Variants in MOB3B observed in about 807,000 individuals in gnomAD.
MOB3B encodes the protein MOB kinase activator 3B.
In MOB3B, 7 loss-of-function variants were observed where a neutral mutation model predicts 18.7. The observed-to-expected ratio is 0.37, with a 90% CI of 0.21 to 0.70. The LOEUF (loss-of-function observed/expected upper bound fraction) is 0.70, where lower values mean the gene tolerates loss of function less well. Ranked by LOEUF, MOB3B falls within the 30% of genes least tolerant of loss-of-function variation. The pLI is 0.52. For synonymous variants in MOB3B, 111 were observed against 99.9 expected (o/e 1.11, Z -0.66); for missense variants, 253 against 281.3 (o/e 0.90, Z 0.72).
intron 3 of MOB3B, among the ~76,000 whole-genome samples, chr9:27,348,424 A>G (rs1334163423): frequency 6.6e-6 from 1 of 152,124 alleles, no homozygotes; most frequent in Non-Finnish European, 1.5e-5. Context: ...AGGCTGAGGC[A>G]GGAGGATCAC....
At chr9:27,403,516 AT>A (rs74178385) in intron 2 of MOB3B, among the ~76,000 whole-genome samples, 2,335 of 79,364 alleles carry the variant, frequency 0.029, 35 homozygotes, top group Non-Finnish European at 0.037. Context: ...CTCTTTACTA[AT>A]TTTTTTTTTT....
intron 2 of MOB3B, among the ~76,000 whole-genome samples, chr9:27,398,483 A>AAAGCATTTGACAC (rs1821832354): frequency 6.6e-6 from 1 of 152,236 alleles, no homozygotes; most frequent in Non-Finnish European, 1.5e-5. Flanking sequence ...CAGTAGACAT[A>AAAGCATTTGACAC]AAGCATTTGA....
At chr9:27,442,897 G>T (rs2131435107) in intron 2 of MOB3B, among the ~76,000 whole-genome samples, 1 of 152,188 alleles carries the variant, frequency 6.6e-6, no homozygotes, top group South Asian at 2.1e-4. Context: ...TAACCACAAT[G>T]TCTCAAGTAA....
At chr9:27,376,749 G>A (rs1821495114) in intron 2 of MOB3B, among the ~76,000 whole-genome samples, 1 of 152,212 alleles carries the variant, frequency 6.6e-6, no homozygotes, top group South Asian at 2.1e-4. Context: ...ATATCTGGGA[G>A]CTTGCTAGAA....
chr9:27,368,877 C>T (rs114166424), intron 2 of MOB3B, among the ~76,000 whole-genome samples: 89 of 152,304 alleles, frequency 5.8e-4, no homozygotes, highest in African/African-American at 2.0e-3. Flanking sequence ...TACCCCTGAG[C>T]GCCACTTCTG....
At chr9:27,343,136 AGTC>A (rs1820977225) in intron 3 of MOB3B, among the ~76,000 whole-genome samples, 1 of 151,994 alleles carries the variant, frequency 6.6e-6, no homozygotes, top group African/African-American at 2.4e-5. Flanking sequence ...ACTAAGAAAA[AGTC>A]TTCTGCCTTG....
At chr9:27,393,945 C>A (rs1027930961) in intron 2 of MOB3B, among the ~76,000 whole-genome samples, 1 of 152,072 alleles carries the variant, frequency 6.6e-6, no homozygotes, top group Non-Finnish European at 1.5e-5. Flanking sequence ...CATGAGTGTT[C>A]AGGGAGGGTT....
At chr9:27,521,486 A>G (rs76676405) in intron 1 of MOB3B, among the ~76,000 whole-genome samples, 4,041 of 152,288 alleles carry the variant, frequency 0.027, 91 homozygotes, top group African/African-American at 0.055. Context: ...TTCAGGGAAG[A>G]GGGGAATGCA....
At chr9:27,410,492 T>C (rs1040320913) in intron 2 of MOB3B, among the ~76,000 whole-genome samples, 32 of 152,232 alleles carry the variant, frequency 2.1e-4, no homozygotes, top group Middle Eastern at 3.4e-3. Flanking sequence ...TTTTTTTTTT[T>C]CCTTGAGTTT....
intron 2 of MOB3B, among the ~76,000 whole-genome samples, chr9:27,401,255 A>G (rs1821873668): frequency 6.6e-6 from 1 of 152,174 alleles, no homozygotes; most frequent in Non-Finnish European, 1.5e-5. Context: ...TGACACATAG[A>G]TGAGCCCCAG....
chr9:27,367,412 A>G (rs1821355946), intron 2 of MOB3B, among the ~76,000 whole-genome samples: 1 of 152,158 alleles, frequency 6.6e-6, no homozygotes. Context: ...TTTGGCTTTT[A>G]CTTTCCCAAA....
chr9:27,519,292 C>T (rs892351716), intron 1 of MOB3B, among the ~76,000 whole-genome samples: 4 of 152,112 alleles, frequency 2.6e-5, no homozygotes, highest in African/African-American at 9.7e-5. Flanking sequence ...CTCTCACAGG[C>T]GAGGTCTGGT....
At chr9:27,474,820 C>T (rs144227872) in intron 1 of MOB3B, among the ~76,000 whole-genome samples, 2 of 152,176 alleles carry the variant, frequency 1.3e-5, no homozygotes, top group African/African-American at 4.8e-5. Flanking sequence ...TTAAAACATG[C>T]GTACTTTTTC....
At position 27,504,270 on chromosome 9, in the gene MOB3B, GCAC is replaced by G. The variant is rs544663427; in HGVS notation, c.-199+25282_-199+25284del. On this transcript the variant is annotated intron_variant, in intron 1 of 3. Coordinates refer to ENST00000262244, the MANE Select transcript of MOB3B (RefSeq NM_024761.5). ...TGATAACAATGCTACTGCAGGATTT[GCAC>G]CATGATTTTAAAAGATGCAGTCCTC... Among the ~76,000 whole-genome samples, 215 of 152,322 alleles carry G rather than the reference GCAC, an allele frequency of 1.4e-3. 3 individuals carry two copies. The highest frequency in any genetic ancestry group is 4.6e-3 in the African/African-American group (192 of 41,570).
At chr9:27,348,619 C>CT (rs1177950865) in intron 3 of MOB3B, among the ~76,000 whole-genome samples, 1 of 151,584 alleles carries the variant, frequency 6.6e-6, no homozygotes, top group Non-Finnish European at 1.5e-5. Flanking sequence ...TGCCACTGCA[C>CT]TCCAGTGTGG....
intron 2 of MOB3B, among the ~76,000 whole-genome samples, chr9:27,404,508 C>T (rs1821937404): frequency 6.6e-6 from 1 of 151,824 alleles, no homozygotes; most frequent in Non-Finnish European, 1.5e-5. Flanking sequence ...CAGGCATGCA[C>T]CACCACGCCT....
intron 2 of MOB3B, among the ~76,000 whole-genome samples, chr9:27,368,661 C>T (rs1821371470): frequency 6.6e-6 from 1 of 152,202 alleles, no homozygotes; most frequent in African/African-American, 2.4e-5. Flanking sequence ...CCTCCCTCTG[C>T]CCCTCCCCAG....
chr9:27,418,284 T>G (rs1479279569), intron 2 of MOB3B, among the ~76,000 whole-genome samples: 1 of 151,998 alleles, frequency 6.6e-6, no homozygotes, highest in Admixed American at 6.6e-5. Flanking sequence ...GTACAAATCC[T>G]TTTGACACTA....
intron 3 of MOB3B, among the ~76,000 whole-genome samples, chr9:27,349,083 T>C (rs1402756079): frequency 6.6e-6 from 1 of 152,278 alleles, no homozygotes; most frequent in Admixed American, 6.5e-5. Flanking sequence ...GCATTATTCT[T>C]GTCTATTGGT....
Sources: allele counts gnomAD v4.1 joint callset (sites outside exome capture counted in the v4.1 genomes callset), GRCh38; gene constraint gnomAD v4.1.1; transcripts MANE v1.5; gene names NCBI Gene and HGNC (gene_info 2026-07-23, HGNC 2026-07-21).